Variants in PEX5L observed in about 807,000 individuals in gnomAD.
PEX5L encodes the protein PEX5-related protein.
Under a neutral mutation model 84.0 loss-of-function variants are expected in PEX5L, and 30 were observed. The observed-to-expected ratio is 0.36, with a 90% CI of 0.27 to 0.48. The LOEUF is 0.48. Ranked by LOEUF, PEX5L falls within the 20% of genes least tolerant of loss-of-function variation. PEX5L has a pLI of 0.99. For missense variants in PEX5L, 533 were observed against 754.6 expected (o/e 0.71, Z 3.44); for synonymous variants, 270 against 283.1 (o/e 0.95, Z 0.46).
chr3:179,985,866 C>T (rs113968941), intron 1 of PEX5L, among the ~76,000 whole-genome samples: 179 of 152,202 alleles, frequency 1.2e-3, no homozygotes, highest in African/African-American at 3.9e-3. Flanking sequence ...TTCCAGTCCA[C>T]TCTTGTGGAG....
chr3:179,995,243 G>C (rs1787781020), intron 1 of PEX5L, among the ~76,000 whole-genome samples: 1 of 147,680 alleles, frequency 6.8e-6, no homozygotes, highest in African/African-American at 2.5e-5. Flanking sequence ...TATATATATA[G>C]TATATATATT....
chr3:179,893,338 AATTAAACT>A (rs1332930881), intron 3 of PEX5L, among the ~76,000 whole-genome samples: 1 of 152,180 alleles, frequency 6.6e-6, no homozygotes, highest in African/African-American at 2.4e-5. Context: ...AATGTTTTAA[AATTAAACT>A]ATTAAATAAT....
At chr3:179,957,453 T>C (rs1350887630) in intron 2 of PEX5L, among the ~76,000 whole-genome samples, 2 of 151,900 alleles carry the variant, frequency 1.3e-5, no homozygotes, top group African/African-American at 4.8e-5. Context: ...TCTAAAGGGG[T>C]GGCTAAATAT....
intron 8 of PEX5L, among the ~76,000 whole-genome samples, chr3:179,840,794 C>T (rs1218406598): frequency 1.3e-5 from 2 of 152,096 alleles, no homozygotes; most frequent in African/African-American, 4.8e-5. Flanking sequence ...GTGAGAAGAT[C>T]ATGGTGCTAT....
intron 8 of PEX5L, among the ~76,000 whole-genome samples, chr3:179,823,238 T>C (rs551587014): frequency 8.5e-5 from 13 of 152,232 alleles, no homozygotes; most frequent in Non-Finnish European, 1.8e-4. Context: ...CTTCTCTTCA[T>C]TTAAATCTTT....
chr3:179,982,283 TAAC>T (rs1786405698), intron 1 of PEX5L, among the ~76,000 whole-genome samples: 2 of 152,166 alleles, frequency 1.3e-5, no homozygotes, highest in South Asian at 2.1e-4. Flanking sequence ...TTAAAAATAA[TAAC>T]GTGTTACATG....
intron 12 of PEX5L, among the ~76,000 whole-genome samples, chr3:179,809,209 C>A (rs1722748723): frequency 6.6e-6 from 1 of 150,548 alleles, no homozygotes; most frequent in Non-Finnish European, 1.5e-5. Context: ...TGGGTGAATT[C>A]TGTGTCCAAA....
At position 179,817,549 on chromosome 3, in the gene PEX5L, C is replaced by T. The variant is rs1029604059; in HGVS notation, c.940-1545G>A. 5.3e-5 allele frequency among the ~76,000 whole-genome samples: 8 copies of T among 152,280 alleles called. No homozygotes were observed. In the East Asian group the frequency reaches 1.3e-3, roughly 26 times the overall value. On this transcript the variant is annotated intron_variant, in intron 9 of 14. Transcript: ENST00000467460. ...GATTTATTAGGTTAAAGGTTATGAG[C>T]TATTTTTAAGCCCTTGAAATGTGTA...
At chr3:179,871,100 C>CT (rs397801213) in intron 7 of PEX5L, among the ~76,000 whole-genome samples, 14,185 of 94,770 alleles carry the variant, frequency 0.15, 1,124 homozygotes, top group South Asian at 0.29. Context: ...TTGAGTTATA[C>CT]TTTTTTTTTT....
At chr3:180,021,802 T>C (rs967663449) in intron 1 of PEX5L, among the ~76,000 whole-genome samples, 1 of 152,214 alleles carries the variant, frequency 6.6e-6, no homozygotes, top group African/African-American at 2.4e-5. Context: ...AACTGGTTTG[T>C]GGACAAATAT....
At chr3:179,865,887 T>A (rs570364561) in intron 7 of PEX5L, among the ~76,000 whole-genome samples, 1 of 152,212 alleles carries the variant, frequency 6.6e-6, no homozygotes, top group Non-Finnish European at 1.5e-5. Context: ...ATTGGCATTA[T>A]GTGTATATAG....
At chr3:179,925,002 T>C (rs17692126) in intron 2 of PEX5L, among the ~76,000 whole-genome samples, 15,907 of 152,184 alleles carry the variant, frequency 0.1, 1,149 homozygotes, top group Non-Finnish European at 0.16. Context: ...CTTACCCAAG[T>C]TGGAAGGCTG....
intron 2 of PEX5L, among the ~76,000 whole-genome samples, chr3:179,913,200 T>C (rs768916337): frequency 1.2e-4 from 18 of 152,122 alleles, no homozygotes; most frequent in Admixed American, 3.3e-4. Context: ...GAGACTTGCT[T>C]TTAATTTCTT....
Position 179,871,100 on chromosome 3 carries a change from CTT to C in PEX5L, c.726+3225_726+3226del, listed in dbSNP as rs397801213. Reference sequence around the variant, plus strand: ...TTTCCTGTGAACCATTTGAGTTATACTTTTTTTTTTTTTTTTTTTTTTGGCTG... The same window carrying C: ...TTTCCTGTGAACCATTTGAGTTATACTTTTTTTTTTTTTTTTTTTTGGCTG... On this transcript the variant is annotated intron_variant, in intron 7 of 14. Coordinates refer to ENST00000467460, the MANE Select transcript of PEX5L (RefSeq NM_016559.3). 3.0e-3 allele frequency among the ~76,000 whole-genome samples: 284 copies of C among 95,000 alleles called. 1 individual carries two copies. The highest frequency in any genetic ancestry group is 0.024 in the East Asian group (98 of 4,114). The allele number at this position is 95,000 out of a possible 152,430, so 62.3% of individuals were successfully genotyped here. A position where few individuals can be genotyped will look rare whatever the true frequency, so the allele number is the denominator to read the frequency against.
chr3:179,923,310 AAC>A (rs1770389407), intron 2 of PEX5L, among the ~76,000 whole-genome samples: 2 of 151,586 alleles, frequency 1.3e-5, no homozygotes, highest in South Asian at 4.2e-4. Context: ...AAAAAAAAAA[AAC>A]ACCCTCAAGT....
intron 2 of PEX5L, among the ~76,000 whole-genome samples, chr3:179,903,758 C>T (rs1184533732): frequency 6.6e-6 from 1 of 152,196 alleles, no homozygotes; most frequent in East Asian, 1.9e-4. Flanking sequence ...TTTGCAGTGT[C>T]CTTTCCCAGT....
intron 2 of PEX5L, 145 bp from the exon 3 acceptor site, chr3:179,898,391 G>C: frequency 2.0e-6 from 1 of 497,210 alleles, no homozygotes; most frequent in South Asian, 5.3e-5. Context: ...TTTGGCTGAG[G>C]AGAAAACACA....
intron 1 of PEX5L, chr3:179,973,673 ACAT>A: frequency 4.1e-6 from 4 of 985,396 alleles, no homozygotes; most frequent in Non-Finnish European, 4.8e-6. Context: ...CACTCACAGA[ACAT>A]CATTCGAAAC....
At chr3:180,021,391 CA>C (rs993975891) in intron 1 of PEX5L, among the ~76,000 whole-genome samples, 3 of 152,120 alleles carry the variant, frequency 2.0e-5, no homozygotes, top group Non-Finnish European at 2.9e-5. Flanking sequence ...GCATTAAGTT[CA>C]ACTGTGGAAT....
Sources: allele counts gnomAD v4.1 joint callset (sites outside exome capture counted in the v4.1 genomes callset), GRCh38; gene constraint gnomAD v4.1.1; transcripts MANE v1.5; gene names NCBI Gene and HGNC (gene_info 2026-07-23, HGNC 2026-07-21).